The following TMEM115 variants were observed in gnomAD, a reference collection of about 807,000 sequenced individuals.
TMEM115 encodes PP6.
In TMEM115, 8 loss-of-function variants were observed where a neutral mutation model predicts 20.1. That is an observed-to-expected ratio of 0.40 (90% confidence interval 0.23 to 0.72). The LOEUF is 0.72. TMEM115 is among the 30% of genes least tolerant of loss of function. The pLI is 0.39. For missense variants in TMEM115, 374 were observed against 455.1 expected (o/e 0.82, Z 1.62); for synonymous variants, 229 against 206.2 (o/e 1.11, Z -0.95).
At chr3:50,355,620 G>T in intron 1 of TMEM115, 73 bp from the exon 2 acceptor site, 1 of 1,365,818 alleles carries the variant, frequency 7.3e-7, no homozygotes, top group Non-Finnish European at 9.8e-7. Context: ...TTCCGCAGCA[G>T]GCTGACTCCT....
intron 1 of TMEM115, 106 bp from the exon 2 acceptor site, chr3:50,355,653 C>T: frequency 2.1e-6 from 2 of 963,906 alleles, no homozygotes; most frequent in South Asian, 2.2e-5. Flanking sequence ...TAGACTCCTC[C>T]CCCAGAATCC....
Position 50,359,047 on chromosome 3 carries a change from G to C in TMEM115, c.17C>G (p.Pro6Arg). 1 of 1,551,542 alleles carries C rather than the reference G, an allele frequency of 6.4e-7. No individual in the cohort carries two copies. Among genetic ancestry groups the C allele is most frequent in the East Asian group, 2.4e-5 (1 of 41,082 alleles). Reference protein sequence around the residue: MQRALPGARQHLGAIL... With the variant: MQRALRGARQHLGAIL... ...GGCCCCCAAGTGCTGGCGGGCGCCT[G>C]GCAGGGCACGTTGCATCTTCCTGGC... Residue 6 changes from proline to arginine, a missense_variant, in exon 1 of 2, where the codon CCA (proline) becomes CGA (arginine). Pro to Arg is a moderately radical substitution (Grantham distance 103). Coordinates refer to ENST00000266025, the MANE Select transcript of TMEM115 (RefSeq NM_007024.5).
At position 50,355,111 on chromosome 3, in the gene TMEM115, G is replaced by A; in HGVS notation, c.*232C>T. 2.6e-6 allele frequency: 1 copy of A among 389,660 alleles called. No homozygotes were observed. The highest frequency in any genetic ancestry group is 4.6e-6 in the Non-Finnish European group (1 of 219,556). 24.1% of individuals were successfully genotyped at this position (389,660 alleles called of 1,614,324 possible). A position where few individuals can be genotyped will look rare whatever the true frequency, so the allele number is the denominator to read the frequency against. ...TGATGTACATTCTTACCTCAGATGAGGGCCTGGACTGGCCGATGCCTCAGA... is the reference window on the plus strand; with the variant it reads ...TGATGTACATTCTTACCTCAGATGAAGGCCTGGACTGGCCGATGCCTCAGA... On this transcript the variant is annotated 3_prime_UTR_variant, in exon 2 of 2. Transcript: ENST00000266025.
At chr3:50,356,557 C>G (rs1239693918) in intron 1 of TMEM115, among the ~76,000 whole-genome samples, 1 of 152,196 alleles carries the variant, frequency 6.6e-6, no homozygotes, top group Non-Finnish European at 1.5e-5. Flanking sequence ...CCCCCCTGCC[C>G]GTCAGTCTCA....
chr3:50,355,300 G>T lies in TMEM115; in HGVS notation c.*43C>A, dbSNP rs377323725. On this transcript the variant is annotated 3_prime_UTR_variant, in exon 2 of 2. Transcript: ENST00000266025. ...CTGGAGTAGCTGAGAGGATGTCAAG[G>T]GGGGCTTGGGAGGGGAGGTGCCACA... 6.2e-5 allele frequency: 86 copies of T among 1,390,286 alleles called. No homozygotes were observed. Among genetic ancestry groups the T allele is most frequent in the Non-Finnish European group, 8.1e-5 (84 of 1,039,290 alleles). The allele number at this position is 1,390,286 out of a possible 1,614,324, so 86.1% of individuals were successfully genotyped here.
chr3:50,358,235 G>C lies in TMEM115; in HGVS notation c.829C>G (p.Pro277Ala), dbSNP rs771431200. The C allele has an allele frequency of 2.0e-5, 32 of 1,613,260 alleles. No homozygotes were observed. Among genetic ancestry groups the C allele is most frequent in the Non-Finnish European group, 1.2e-5 (14 of 1,179,558 alleles). Residue 277 changes from proline (P) to alanine (A), a missense_variant, in exon 1 of 2, where the codon CCT (proline) becomes GCT (alanine). Pro to Ala is a conservative substitution (Grantham distance 27). Transcript: ENST00000266025. ...SITISLPGTD[P>A]QDAERRRQLA... is the part of the protein sequence containing the mutation. ...TACCTTCTCCGCTCGGCGTCTTGAGGGTCTGTGCCTGGCAGGCTGATGGTG... is the reference window on the plus strand; with the variant it reads ...TACCTTCTCCGCTCGGCGTCTTGAGCGTCTGTGCCTGGCAGGCTGATGGTG...
chr3:50,355,526 G>A lies in TMEM115; in HGVS notation c.873C>T (p.Leu291=). 7 of 1,601,906 alleles carry A rather than the reference G, an allele frequency of 4.4e-6. No individual in the cohort carries two copies. Among genetic ancestry groups the A allele is most frequent in the Non-Finnish European group, 6.0e-6 (7 of 1,174,018 alleles). The change falls in exon 2 of 2, where the codon CTC becomes CTT. Residue 291 remains leucine (L), a synonymous_variant. Coordinates refer to ENST00000266025, the MANE Select transcript of TMEM115 (RefSeq NM_007024.5). ...CTTCCACTCTCTTCAGCCGCTCATT[G>A]AGTGCCTTCAGGGCCAGTTGCCTGG... ...ERRRQLALKA[L]NERLKRVEDQ... is the part of the protein sequence containing the mutation.
rs1422492021 is a variant in TMEM115, at chr3:50,359,080, G to A, written c.-17C>T. The A allele has an allele frequency of 6.5e-7, 1 of 1,543,670 alleles. No homozygotes were observed. The highest frequency in any genetic ancestry group is 8.7e-7 in the Non-Finnish European group (1 of 1,143,450). On this transcript the variant is annotated 5_prime_UTR_variant, in exon 1 of 2. Transcript: ENST00000266025. ...ACGTTGCATCTTCCTGGCGGCTGTC[G>A]GCCTGAGAAAAGGGTCTGGTAGGCC...
intron 1 of TMEM115, among the ~76,000 whole-genome samples, chr3:50,356,997 AC>A (rs1372184648): frequency 6.6e-6 from 1 of 152,116 alleles, no homozygotes; most frequent in Non-Finnish European, 1.5e-5. Context: ...GCCTGGCCCC[AC>A]CTGAATGGCT....
chr3:50,355,572 G>T, intron 1 of TMEM115, 25 bp from the exon 2 acceptor site: 1 of 1,563,270 alleles, frequency 6.4e-7, no homozygotes, highest in Non-Finnish European at 8.7e-7. Context: ...GAGAGGAAAG[G>T]TCACTCTGGG....
Position 50,359,284 on chromosome 3 carries a change from A to T in TMEM115, c.-221T>A. 1.4e-6 allele frequency: 1 copy of T among 716,288 alleles called. No individual in the cohort carries two copies. The highest frequency in any genetic ancestry group is 2.0e-5 in the South Asian group (1 of 50,296). 44.4% of individuals were successfully genotyped at this position (716,288 alleles called of 1,614,324 possible). On this transcript the variant is annotated 5_prime_UTR_variant, in exon 1 of 2. Coordinates refer to ENST00000266025, the MANE Select transcript of TMEM115 (RefSeq NM_007024.5). ...GCGTAGGCCCCTCGCCCGGGACCTG[A>T]GGGAAGGCCCTGGACGGCTGCGGCA...
intron 1 of TMEM115, among the ~76,000 whole-genome samples, chr3:50,356,806 C>T (rs1351918697): frequency 2.6e-5 from 4 of 152,144 alleles, no homozygotes; most frequent in Admixed American, 6.5e-5. Flanking sequence ...GAGGAATAAC[C>T]GCCACCCCCA....
intron 1 of TMEM115, 166 bp downstream of exon 1, chr3:50,358,047 C>T: frequency 1.1e-6 from 1 of 903,672 alleles, no homozygotes; most frequent in South Asian, 1.7e-5. Flanking sequence ...CCCCAGACAC[C>T]TAACTGCTGA....
At position 50,359,011 on chromosome 3, in the gene TMEM115, C is replaced by G. The variant is rs745786654; in HGVS notation, c.53G>C (p.Ser18Thr). ...ARQHLGAILASASVVVKALCA... is the reference protein window; with the variant it reads ...ARQHLGAILATASVVVKALCA... ...CAGAGCCTTCACCACCACGCTGGCG[C>G]TGGCCAGAATGGCCCCCAAGTGCTG... Residue 18 changes from serine (S) to threonine (T), a missense_variant, in exon 1 of 2, where the codon AGC becomes ACC. Ser to Thr is a moderately conservative substitution (Grantham distance 58). Coordinates refer to ENST00000266025, the MANE Select transcript of TMEM115 (RefSeq NM_007024.5). 2 of 1,572,046 alleles carry G rather than the reference C, an allele frequency of 1.3e-6. No individual in the cohort carries two copies. Among genetic ancestry groups the G allele is most frequent in the Non-Finnish European group, 1.7e-6 (2 of 1,158,984 alleles).
rs587663416 is a variant in TMEM115 at position 50,358,775 on chromosome 3, C to T, written c.289G>A (p.Glu97Lys). ...ACCACTGAGAAGAAGATGAGCAGCT[C>T]CAAGGCCCCCCAGAGGGGCTCCAGC... ...RLLEPLWGAL[E>K]LLIFFSVVNV... Residue 97 changes from glutamate to lysine, a missense_variant, in exon 1 of 2, where the codon GAG (glutamate) becomes AAG (lysine). Glu to Lys is a moderately conservative substitution (Grantham distance 56). Coordinates refer to ENST00000266025, the MANE Select transcript of TMEM115 (RefSeq NM_007024.5). The T allele has an allele frequency of 4.2e-5, 68 of 1,613,374 alleles. No homozygotes were observed. Among genetic ancestry groups the T allele is most frequent in the Admixed American group, 8.3e-5 (5 of 60,036 alleles).
rs773887068 is a variant in TMEM115 at position 50,358,685 on chromosome 3, G to C, written c.379C>G (p.Leu127Val). The change falls in exon 1 of 2, where the codon CTG (leucine) becomes GTG (valine). Residue 127 changes from leucine (L) to valine (V), a missense_variant. Leu to Val is a conservative substitution (Grantham distance 32). Transcript: ENST00000266025. ...YLLTYMASFN[L>V]VYLFTVRIHG... ...ATACGGACAGTGAACAGGTAGACCA[G>C]GTTGAAGGAAGCCATGTAGGTGAGG... is the stretch of plus-strand genomic sequence containing the variant. The C allele has an allele frequency of 5.0e-6, 8 of 1,613,488 alleles. No homozygotes were observed. The East Asian group carries it at 8.9e-5, about 18-fold the overall frequency.
At position 50,359,028 on chromosome 3, in the gene TMEM115, C is replaced by A; in HGVS notation, c.36G>T (p.Leu12Phe). Reference protein sequence around the residue: ...QRALPGARQHLGAILASASVV... With the variant: ...QRALPGARQHFGAILASASVV... Reference sequence around the variant, plus strand: ...CGCTGGCGCTGGCCAGAATGGCCCCCAAGTGCTGGCGGGCGCCTGGCAGGG... The same window carrying A: ...CGCTGGCGCTGGCCAGAATGGCCCCAAAGTGCTGGCGGGCGCCTGGCAGGG... Residue 12 changes from leucine (L) to phenylalanine (F), a missense_variant, in exon 1 of 2, where the codon TTG becomes TTT. Leu to Phe is a conservative substitution (Grantham distance 22, BLOSUM62 0). Coordinates refer to ENST00000266025, the MANE Select transcript of TMEM115 (RefSeq NM_007024.5). 1 of 1,559,918 alleles carries A rather than the reference C, an allele frequency of 6.4e-7. No homozygotes were observed. Among genetic ancestry groups the A allele is most frequent in the South Asian group, 1.2e-5 (1 of 85,460 alleles).
rs779371993 is a variant in TMEM115 at position 50,358,631 on chromosome 3, C to T, written c.433G>A (p.Val145Ile). Residue 145 changes from valine to isoleucine, a missense_variant, in exon 1 of 2, where the codon GTC becomes ATC. By Grantham distance (29) the Val-to-Ile change is conservative. Coordinates refer to ENST00000266025, the MANE Select transcript of TMEM115 (RefSeq NM_007024.5). The part of the protein sequence containing the change: ...IHGALGFLGG[V>I]LVALKQTMGD... Reference sequence around the variant, plus strand: ...ATGGTTTGCTTGAGTGCCACCAGGACGCCACCTAGGAAGCCCAAGGCGCCG... The same window carrying T: ...ATGGTTTGCTTGAGTGCCACCAGGATGCCACCTAGGAAGCCCAAGGCGCCG... 6 of 1,612,696 alleles carry T rather than the reference C, an allele frequency of 3.7e-6. No individual in the cohort carries two copies. The highest frequency in any genetic ancestry group is 1.3e-5 in the African/African-American group (1 of 74,910).
chr3:50,359,366 T>G lies in TMEM115; in HGVS notation c.-303A>C. The G allele has an allele frequency of 2.5e-6, 1 of 396,242 alleles. No individual in the cohort carries two copies. Among genetic ancestry groups the G allele is most frequent in the East Asian group, 4.9e-5 (1 of 20,536 alleles). The allele number at this position is 396,242 out of a possible 1,614,324, so 24.5% of individuals were successfully genotyped here. On this transcript the variant is annotated 5_prime_UTR_variant, in exon 1 of 2. The change abolishes the stop of an existing upstream ORF in the 5' untranslated region. Transcript: ENST00000266025. ...CAGGCTAGCCTGGTTGGCGTTGACCTCAGGGCTGGGCCTCCTCCATCCACT... is the reference window on the plus strand; with the variant it reads ...CAGGCTAGCCTGGTTGGCGTTGACCGCAGGGCTGGGCCTCCTCCATCCACT...
Sources: gnomAD v4.1 joint callset for allele counts (sites outside exome capture counted in the v4.1 genomes callset) on GRCh38, gnomAD v4.1.1 for gene constraint, MANE v1.5 for transcripts, NCBI Gene and HGNC (gene_info 2026-07-23, HGNC 2026-07-21) for gene names.